The following NOX4 variants were observed in gnomAD, a reference collection of about 807,000 sequenced individuals.
The protein encoded by NOX4 is kidney oxidase-1.
In NOX4, 69 loss-of-function variants were observed where a neutral mutation model predicts 87.6. That is an observed-to-expected ratio of 0.79 (90% CI 0.65 to 0.96). The LOEUF is 0.96. Ranked by LOEUF, NOX4 falls within the 40% of genes least tolerant of loss-of-function variation. The probability of loss-of-function intolerance (pLI) is 0.00; values close to 1 mark genes in which losing one functional copy is unlikely to be tolerated. For missense variants in NOX4, 680 were observed against 681.5 expected, an observed-to-expected ratio of 1.00 and a Z score of 0.02; for synonymous variants, 275 against 238.2, an observed-to-expected ratio of 1.15 and a Z score of -1.42.
At chr11:89,366,732 T>C (rs1293880738) in intron 12 of NOX4, among the ~76,000 whole-genome samples, 4 of 150,668 alleles carry the variant, frequency 2.7e-5, no homozygotes, top group Non-Finnish European at 5.9e-5. Flanking sequence ...ATTGTGAAAA[T>C]TGGATAGAAA....
At chr11:89,493,168 C>A (rs1234669871), upstream of NOX4, among the ~76,000 whole-genome samples, 3 of 152,122 alleles carry the variant, frequency 2.0e-5, no homozygotes, top group South Asian at 4.1e-4. Flanking sequence ...GGGTGGATCA[C>A]GGAGTCAGGA....
rs1941907468 is a variant in NOX4, at chr11:89,402,321, C to G, written c.846+5G>C. 6 of 1,608,062 alleles carry G rather than the reference C, an allele frequency of 3.7e-6. No individual in the cohort carries two copies. Among genetic ancestry groups the G allele is most frequent in the Non-Finnish European group, 5.1e-6 (6 of 1,174,908 alleles). ...TGTGGAGATCAAACACAAAATTAAT[C>G]TGACCTGTGGAAAATTAGCTTGGAA... On this transcript the variant is annotated splice_donor_5th_base_variant and intron_variant, in intron 9 of 17. Coordinates refer to ENST00000263317, the MANE Select transcript of NOX4 (RefSeq NM_016931.5).
At chr11:89,499,905 T>C (rs1946999553), upstream of NOX4, among the ~76,000 whole-genome samples, 1 of 152,156 alleles carries the variant, frequency 6.6e-6, no homozygotes, top group Non-Finnish European at 1.5e-5. Context: ...AACCTTGGAC[T>C]TCAATACTGT....
intron 11 of NOX4, among the ~76,000 whole-genome samples, chr11:89,387,717 A>T (rs1028434143): frequency 6.6e-6 from 1 of 152,204 alleles, no homozygotes; most frequent in African/African-American, 2.4e-5. Context: ...CTAAATATGA[A>T]AAGATGCTAC....
Position 89,343,896 on chromosome 11 carries a change from T to C in NOX4, c.1218-1703A>G, listed in dbSNP as rs74820140. On this transcript the variant is annotated intron_variant, in intron 13 of 17. Transcript: ENST00000263317. ...TAAGAATAAGAGATATCTTCCTCCC[T>C]GACCCACTCAAAAGTATATAAACAT... is the stretch of plus-strand genomic sequence containing the variant. 7.1e-3 allele frequency among the ~76,000 whole-genome samples: 1,081 copies of C among 152,178 alleles called. 14 individuals are homozygous for C. The highest frequency in any genetic ancestry group is 0.025 in the African/African-American group (1,039 of 41,558).
the NOX4 span, among the ~76,000 whole-genome samples, chr11:89,579,107 C>T: frequency 1.3e-5 from 2 of 151,148 alleles, no homozygotes; most frequent in Non-Finnish European, 2.9e-5. Flanking sequence ...AAAGACCAAA[C>T]AATGGAGATA....
chr11:89,471,816 A>G (rs1945956346), intron 2 of NOX4, among the ~76,000 whole-genome samples: 1 of 152,190 alleles, frequency 6.6e-6, no homozygotes, highest in Admixed American at 6.5e-5. Context: ...ATCTCAGCTC[A>G]CTGCAACCTC....
At chr11:89,542,490 T>G in the NOX4 span, among the ~76,000 whole-genome samples, 2 of 152,214 alleles carry the variant, frequency 1.3e-5, no homozygotes, top group Admixed American at 1.3e-4. Flanking sequence ...CCTTGTTGAT[T>G]GTGAGCCAAT....
At chr11:89,396,983 C>T (rs376156253) in intron 11 of NOX4, among the ~76,000 whole-genome samples, 7 of 151,922 alleles carry the variant, frequency 4.6e-5, no homozygotes, top group African/African-American at 9.6e-5. Flanking sequence ...TAGATATCTA[C>T]GAACTCTCCA....
At chr11:89,453,102 C>T (rs1945040664) in intron 2 of NOX4, among the ~76,000 whole-genome samples, 2 of 152,090 alleles carry the variant, frequency 1.3e-5, no homozygotes, top group African/African-American at 4.8e-5. Context: ...ATACAATACA[C>T]ACTATTATTA....
chr11:89,373,567 T>A, intron 11 of NOX4, 75 bp from the exon 12 acceptor site: 1 of 958,622 alleles, frequency 1.0e-6, no homozygotes, highest in Non-Finnish European at 1.7e-6. Context: ...ACAACTTTTA[T>A]CCTGATAGCA....
At chr11:89,556,541 G>A in the NOX4 span, among the ~76,000 whole-genome samples, 2 of 148,908 alleles carry the variant, frequency 1.3e-5, no homozygotes, top group African/African-American at 2.5e-5. Context: ...GAGGGGAAGG[G>A]AGGGGAGGGG....
intron 12 of NOX4, among the ~76,000 whole-genome samples, chr11:89,369,469 T>G (rs898622966): frequency 3.9e-5 from 6 of 152,122 alleles, no homozygotes; most frequent in African/African-American, 1.2e-4. Context: ...GTATCTCCAG[T>G]GACTAATAAA....
chr11:89,356,740 A>T (rs1473426964), intron 12 of NOX4, among the ~76,000 whole-genome samples: 1 of 152,114 alleles, frequency 6.6e-6, no homozygotes, highest in African/African-American at 2.4e-5. Flanking sequence ...CTTCTAGTAG[A>T]TGAGTATTGT....
the NOX4 span, among the ~76,000 whole-genome samples, chr11:89,585,724 G>A: frequency 9.9e-5 from 15 of 152,280 alleles, no homozygotes; most frequent in Admixed American, 2.6e-4. Flanking sequence ...AAAAGCAAAC[G>A]ATTGAGTCAC....
At chr11:89,566,459 A>G in the NOX4 span, among the ~76,000 whole-genome samples, 1 of 152,226 alleles carries the variant, frequency 6.6e-6, no homozygotes, top group Non-Finnish European at 1.5e-5. Context: ...GAGGTTTTAT[A>G]TAATAGTTCT....
intron 5 of NOX4, chr11:89,443,632 A>C (rs921263979): frequency 6.5e-6 from 1 of 153,506 alleles, no homozygotes; most frequent in African/African-American, 2.4e-5. Flanking sequence ...TGCCTGCTAC[A>C]GAATTGAATT....
At chr11:89,395,633 T>C (rs1941431162) in intron 11 of NOX4, among the ~76,000 whole-genome samples, 1 of 152,204 alleles carries the variant, frequency 6.6e-6, no homozygotes, top group South Asian at 2.1e-4. Flanking sequence ...TTTTATGGTT[T>C]TAGGTCTAAC....
chr11:89,368,389 A>G (rs2135037467), intron 12 of NOX4, among the ~76,000 whole-genome samples: 1 of 152,258 alleles, frequency 6.6e-6, no homozygotes, highest in African/African-American at 2.4e-5. Context: ...TATAAACCAC[A>G]GAAATTTATT....
Sources: gnomAD v4.1 joint callset for allele counts (sites outside exome capture counted in the v4.1 genomes callset) on GRCh38, gnomAD v4.1.1 for gene constraint, MANE v1.5 for transcripts, NCBI Gene and HGNC (gene_info 2026-07-23, HGNC 2026-07-21) for gene names.